PTPRD: variants seen among roughly 807,000 people sequenced by gnomAD.
PTPRD encodes the protein receptor-type tyrosine-protein phosphatase delta.
PTPRD carries 34 observed loss-of-function variants against 214.5 expected under a neutral mutation model. That is an observed-to-expected ratio of 0.16 (90% CI 0.12 to 0.21). The LOEUF (loss-of-function observed/expected upper bound fraction) is 0.21. Ranked by LOEUF, PTPRD falls within the 10% of genes least tolerant of loss-of-function variation. The pLI, the probability that PTPRD is intolerant of heterozygous loss-of-function variation, is 1.00. For synonymous variants in PTPRD, 1,128 were observed against 845.7 expected, an observed-to-expected ratio of 1.33 and a Z score of -5.79; for missense variants, 2,545 against 2,398.7, an observed-to-expected ratio of 1.06 and a Z score of -1.27.
At chr9:9,054,637 G>A (rs1317995016) in intron 10 of PTPRD, among the ~76,000 whole-genome samples, 1 of 152,098 alleles carries the variant, frequency 6.6e-6, no homozygotes, top group African/African-American at 2.4e-5. Flanking sequence ...TCCATGAAAT[G>A]TGCTCCAAAC....
intron 14 of PTPRD, among the ~76,000 whole-genome samples, chr9:8,600,410 C>T (rs964526891): frequency 2.0e-5 from 3 of 152,088 alleles, no homozygotes; most frequent in East Asian, 1.9e-4. Context: ...GGGCATGTAA[C>T]CTACTAACAC....
At chr9:9,205,881 C>A (rs997105285) in intron 9 of PTPRD, among the ~76,000 whole-genome samples, 1 of 152,090 alleles carries the variant, frequency 6.6e-6, no homozygotes, top group African/African-American at 2.4e-5. Context: ...CGCAATGACA[C>A]AATTAACAAA....
intron 4 of PTPRD, among the ~76,000 whole-genome samples, chr9:9,948,478 C>T (rs2093064940): frequency 6.6e-6 from 1 of 151,942 alleles, no homozygotes; most frequent in Non-Finnish European, 1.5e-5. Context: ...AGGTGATGAA[C>T]ATTTTAAAAA....
At position 8,497,287 on chromosome 9, in the gene PTPRD, G is replaced by A. The variant is rs375498800; in HGVS notation, c.2323-19C>T. 2.5e-4 allele frequency: 396 copies of A among 1,585,508 alleles called. No individual in the cohort carries two copies. The highest frequency in any genetic ancestry group is 7.5e-4 in the South Asian group (64 of 85,156). On this transcript the variant is annotated intron_variant, in intron 25 of 45. Coordinates refer to ENST00000381196, the MANE Select transcript of PTPRD (RefSeq NM_002839.4). ...ATTCCCACTGATTGAGAATAAGAAG[G>A]TTGGGAGGAAAACAAAATAAAAAGA...
In PTPRD at chr9:10,235,297, T is replaced by G. The variant is rs116695183; in HGVS notation, c.-545+105666A>C. Among the ~76,000 whole-genome samples, 1,132 of 152,078 alleles carry G rather than the reference T, an allele frequency of 7.4e-3. 12 individuals are homozygous for G. The highest frequency in any genetic ancestry group is 0.026 in the African/African-American group (1,061 of 41,536). ...TTTAGCAATGCCATATAAAAGACAATGATACACCCAGTGTGAAATCATGTA... is the reference window on the plus strand; with the variant it reads ...TTTAGCAATGCCATATAAAAGACAAGGATACACCCAGTGTGAAATCATGTA... On this transcript the variant is annotated intron_variant, in intron 3 of 45. Coordinates refer to ENST00000381196, the MANE Select transcript of PTPRD (RefSeq NM_002839.4).
At chr9:9,337,455 C>A (rs1270228583) in intron 9 of PTPRD, among the ~76,000 whole-genome samples, 1 of 152,118 alleles carries the variant, frequency 6.6e-6, no homozygotes, top group Non-Finnish European at 1.5e-5. Context: ...ATGCCAAGAA[C>A]ACTCCCAGTT....
intron 4 of PTPRD, among the ~76,000 whole-genome samples, chr9:9,979,750 A>T (rs923188334): frequency 2.0e-5 from 3 of 152,218 alleles, no homozygotes; most frequent in African/African-American, 7.2e-5. Flanking sequence ...TTTACCAAAC[A>T]GATTTTAAGA....
chr9:8,810,878 G>A (rs1297427470), intron 11 of PTPRD, among the ~76,000 whole-genome samples: 2 of 152,114 alleles, frequency 1.3e-5, no homozygotes, highest in Non-Finnish European at 2.9e-5. Flanking sequence ...GAAGGCAGGG[G>A]CATTTATCCT....
At chr9:9,411,278 G>A (rs1215320672) in intron 8 of PTPRD, among the ~76,000 whole-genome samples, 3 of 20,384 alleles carry the variant, frequency 1.5e-4, no homozygotes, top group South Asian at 1.3e-3. Context: ...TTTTTTTTAC[G>A]ATAATTAAGG....
chr9:10,156,105 T>C (rs2099091356), intron 3 of PTPRD, among the ~76,000 whole-genome samples: 1 of 151,292 alleles, frequency 6.6e-6, no homozygotes, highest in African/African-American at 2.4e-5. Context: ...TGTGTGTGTG[T>C]GTGTGTGTGT....
intron 3 of PTPRD, among the ~76,000 whole-genome samples, chr9:10,266,189 T>A (rs2094043408): frequency 6.6e-6 from 1 of 151,980 alleles, no homozygotes; most frequent in Admixed American, 6.6e-5. Context: ...AAAGCACTAG[T>A]TAAGTGTGCC....
At chr9:9,483,114 T>C (rs143653813) in intron 8 of PTPRD, among the ~76,000 whole-genome samples, 1 of 152,160 alleles carries the variant, frequency 6.6e-6, no homozygotes, top group African/African-American at 2.4e-5. Flanking sequence ...ATAAGATCTA[T>C]CCTTTAAAAG....
chr9:8,627,309 G>A (rs2096074244), intron 14 of PTPRD, among the ~76,000 whole-genome samples: 2 of 151,650 alleles, frequency 1.3e-5, no homozygotes, highest in Admixed American at 1.3e-4. Flanking sequence ...TTCAGACTTG[G>A]CCAAACCCGA....
intron 5 of PTPRD, among the ~76,000 whole-genome samples, chr9:9,860,082 A>T (rs2062392871): frequency 6.6e-6 from 1 of 152,238 alleles, no homozygotes; most frequent in Non-Finnish European, 1.5e-5. Context: ...CAATGAATAA[A>T]GTAAAATTCA....
chr9:8,365,538 T>C (rs2079605376), intron 39 of PTPRD, among the ~76,000 whole-genome samples: 1 of 152,020 alleles, frequency 6.6e-6, no homozygotes, highest in South Asian at 2.1e-4. Context: ...AAATTCACAT[T>C]GTATTTAGCC....
chr9:8,508,743 C>T (rs963776683), intron 21 of PTPRD, among the ~76,000 whole-genome samples: 1 of 152,008 alleles, frequency 6.6e-6, no homozygotes, highest in African/African-American at 2.4e-5. Flanking sequence ...GTATTGCTTT[C>T]CTTTTCTTTT....
intron 5 of PTPRD, among the ~76,000 whole-genome samples, chr9:9,899,387 G>A (rs1057059103): frequency 6.6e-6 from 1 of 151,938 alleles, no homozygotes; most frequent in Admixed American, 6.6e-5. Context: ...TTAACAATGG[G>A]CAAAGAATGT....
At chr9:9,363,485 G>C (rs1349998310) in intron 9 of PTPRD, among the ~76,000 whole-genome samples, 2 of 151,262 alleles carry the variant, frequency 1.3e-5, no homozygotes, top group East Asian at 1.9e-4. Flanking sequence ...TATTTTTAAA[G>C]GTTAGGAAAA....
intron 8 of PTPRD, among the ~76,000 whole-genome samples, chr9:9,482,923 T>A (rs2095479913): frequency 6.6e-6 from 1 of 152,210 alleles, no homozygotes; most frequent in Non-Finnish European, 1.5e-5. Context: ...ATGTAGACGC[T>A]ACTCTCTTTA....
Sources: allele counts gnomAD v4.1 joint callset (sites outside exome capture counted in the v4.1 genomes callset), GRCh38; gene constraint gnomAD v4.1.1; transcripts MANE v1.5; gene names NCBI Gene and HGNC (gene_info 2026-07-23, HGNC 2026-07-21).